Variants in SCAI observed in about 807,000 individuals in gnomAD.
SCAI encodes protein SCAI.
SCAI carries 24 observed loss-of-function variants against 92.2 expected under a neutral mutation model. The observed-to-expected ratio is 0.26, with a 90% CI of 0.19 to 0.37. The LOEUF (loss-of-function observed/expected upper bound fraction) is 0.37, where lower values mean the gene tolerates loss of function less well. Among genes scored for constraint, SCAI ranks in the 10% least tolerant of loss-of-function variants. The probability of loss-of-function intolerance (pLI) is 1.00; values close to 1 mark genes in which losing one functional copy is unlikely to be tolerated. For synonymous variants in SCAI, 261 were observed against 258.6 expected (o/e 1.01, Z -0.09); for missense variants, 450 against 736.2 (o/e 0.61, Z 4.50).
chr9:125,083,374 T>C (rs1588207097), intron 2 of SCAI, among the ~76,000 whole-genome samples: 2 of 151,916 alleles, frequency 1.3e-5, no homozygotes, highest in Admixed American at 1.3e-4. Flanking sequence ...AAAAATTAGC[T>C]GGGTGTGGTG....
intron 2 of SCAI, among the ~76,000 whole-genome samples, chr9:125,128,265 G>A (rs1430789301): frequency 1.3e-5 from 2 of 152,154 alleles, no homozygotes; most frequent in Non-Finnish European, 1.5e-5. Flanking sequence ...GCTGTAAGCT[G>A]TGACTGTGGC....
At chr9:124,968,213 C>CA (rs1831577276) in intron 17 of SCAI, 1 of 861,102 alleles carries the variant, frequency 1.2e-6, no homozygotes, top group Admixed American at 2.7e-5. Flanking sequence ...AAACGAAAAA[C>CA]AAAAAAACAG....
chr9:125,001,909 A>G (rs1832369267), intron 12 of SCAI, 56 bp downstream of exon 12: 7 of 1,267,384 alleles, frequency 5.5e-6, no homozygotes, highest in African/African-American at 1.5e-5. Flanking sequence ...ATCGTCTTGT[A>G]GAAAATAAAG....
intron 17 of SCAI, among the ~76,000 whole-genome samples, chr9:124,964,660 C>G (rs1200657671): frequency 6.6e-6 from 1 of 152,188 alleles, no homozygotes; most frequent in Non-Finnish European, 1.5e-5. Flanking sequence ...CACTTTGATA[C>G]CTTCAGTATA....
intron 13 of SCAI, among the ~76,000 whole-genome samples, chr9:124,998,757 G>C (rs1208438649): frequency 6.6e-6 from 1 of 151,996 alleles, no homozygotes; most frequent in Non-Finnish European, 1.5e-5. Flanking sequence ...GAGTAGGTAG[G>C]ACCACAGGCG....
At chr9:125,109,102 G>A (rs1048437885) in intron 2 of SCAI, among the ~76,000 whole-genome samples, 1 of 152,180 alleles carries the variant, frequency 6.6e-6, no homozygotes, top group Non-Finnish European at 1.5e-5. Context: ...TCCACTCAGG[G>A]TTAAATGGAT....
chr9:124,982,933 G>A (rs764164841), intron 14 of SCAI, among the ~76,000 whole-genome samples: 7 of 151,950 alleles, frequency 4.6e-5, no homozygotes, highest in Non-Finnish European at 1.0e-4. Flanking sequence ...TGGGAGAATC[G>A]CTTACAGCAG....
intron 2 of SCAI, among the ~76,000 whole-genome samples, chr9:125,113,125 A>G (rs1242678469): frequency 6.6e-6 from 1 of 152,240 alleles, no homozygotes; most frequent in Non-Finnish European, 1.5e-5. Flanking sequence ...ACTTCCTTCC[A>G]AAGAGTACAG....
intron 2 of SCAI, among the ~76,000 whole-genome samples, chr9:125,081,944 G>A (rs188424823): frequency 1.3e-5 from 2 of 152,278 alleles, no homozygotes; most frequent in East Asian, 3.9e-4. Context: ...TGACAGAGAG[G>A]AGAAACCCAT....
At chr9:125,032,188 T>C (rs71497076) in intron 3 of SCAI, among the ~76,000 whole-genome samples, 29,602 of 112,034 alleles carry the variant, frequency 0.26, 4,284 homozygotes, top group Non-Finnish European at 0.33. Context: ...TATATATATA[T>C]ATATATATTT....
At chr9:124,958,890 G>A (rs1831375027) in intron 17 of SCAI, among the ~76,000 whole-genome samples, 1 of 134,408 alleles carries the variant, frequency 7.4e-6, no homozygotes, top group Non-Finnish European at 1.5e-5. Flanking sequence ...CTGGGTGAGA[G>A]TGAGACTCAG....
intron 2 of SCAI, among the ~76,000 whole-genome samples, chr9:125,138,453 C>T (rs1835589922): frequency 6.6e-6 from 1 of 151,180 alleles, no homozygotes; most frequent in African/African-American, 2.4e-5. Context: ...GTCTCGCTGT[C>T]GCCCAGGCTG....
intron 3 of SCAI, among the ~76,000 whole-genome samples, chr9:125,052,210 A>G (rs909623140): frequency 4.6e-5 from 7 of 152,246 alleles, no homozygotes; most frequent in South Asian, 2.1e-4. Context: ...GCAATGAAAG[A>G]AAAGAATGAT....
At chr9:125,106,123 ATATATATATAT>A (rs1229297295) in intron 2 of SCAI, among the ~76,000 whole-genome samples, 1 of 9,294 alleles carries the variant, frequency 1.1e-4, no homozygotes, top group African/African-American at 2.6e-4. Context: ...AAAAAAAAAA[ATATATATATAT>A]ATATATATAT....
At chr9:125,015,026 T>A (rs1377301424) in intron 9 of SCAI, among the ~76,000 whole-genome samples, 2 of 152,106 alleles carry the variant, frequency 1.3e-5, no homozygotes, top group Non-Finnish European at 2.9e-5. Context: ...TATACAAAAA[T>A]TAATTCAAGA....
At chr9:125,079,281 A>G (rs934678988) in intron 2 of SCAI, among the ~76,000 whole-genome samples, 2 of 152,188 alleles carry the variant, frequency 1.3e-5, no homozygotes, top group African/African-American at 2.4e-5. Context: ...ATTGTTAATT[A>G]TATCATTATT....
chr9:125,129,498 C>G (rs1835354133), intron 2 of SCAI, among the ~76,000 whole-genome samples: 1 of 115,216 alleles, frequency 8.7e-6, no homozygotes, highest in Admixed American at 1.1e-4. Flanking sequence ...GAGCCTCACT[C>G]TGTCACCCAG....
rs375767139 is a variant in SCAI, at chr9:125,050,908, C to A, written c.230+4968G>T. ...TATAAACAAAAAAAAGAAAACAATA[C>A]GGCTGCTATACTGGACAACCACATC... On this transcript the variant is annotated intron_variant, in intron 3 of 17. Coordinates refer to ENST00000336505, the MANE Select transcript of SCAI (RefSeq NM_001144877.3). 5.3e-5 allele frequency among the ~76,000 whole-genome samples: 8 copies of A among 151,968 alleles called. No homozygotes were observed. In the East Asian group the frequency reaches 7.8e-4, roughly 15 times the overall value.
chr9:125,005,477 ATG>A (rs1241219352), intron 9 of SCAI, among the ~76,000 whole-genome samples: 3 of 152,124 alleles, frequency 2.0e-5, no homozygotes, highest in African/African-American at 7.2e-5. Context: ...GATTACAGGC[ATG>A]TGCCACCATG....
Sources: allele counts gnomAD v4.1 joint callset (sites outside exome capture counted in the v4.1 genomes callset), GRCh38; gene constraint gnomAD v4.1.1; transcripts MANE v1.5; gene names NCBI Gene and HGNC (gene_info 2026-07-23, HGNC 2026-07-21).